The following TMEM117 variants were observed in gnomAD, a reference collection of about 807,000 sequenced individuals.
TMEM117 encodes the protein transmembrane protein 117.
In TMEM117, 27 loss-of-function variants were observed where a neutral mutation model predicts 52.4. The ratio of observed to expected loss-of-function variants is 0.51; its 90% CI spans 0.38 to 0.71. The LOEUF (loss-of-function observed/expected upper bound fraction) is 0.71, where lower values mean the gene tolerates loss of function less well. Among genes scored for constraint, TMEM117 ranks in the 30% least tolerant of loss-of-function variants. The pLI is 0.00. For missense variants in TMEM117, 556 were observed against 630.5 expected, an observed-to-expected ratio of 0.88 and a Z score of 1.26; for synonymous variants, 215 against 206.3, an observed-to-expected ratio of 1.04 and a Z score of -0.36.
chr12:44,052,981 A>T (rs141412317), intron 3 of TMEM117, among the ~76,000 whole-genome samples: 2 of 151,882 alleles, frequency 1.3e-5, no homozygotes, highest in African/African-American at 2.4e-5. Context: ...AGTCTTTCCA[A>T]CCTTAGAGGT....
At chr12:43,947,460 G>A (rs768536785) in intron 3 of TMEM117, among the ~76,000 whole-genome samples, 5 of 152,216 alleles carry the variant, frequency 3.3e-5, no homozygotes, top group Non-Finnish European at 7.3e-5. Flanking sequence ...AGGAAAATCA[G>A]TTCTTAGAGC....
At chr12:44,144,548 A>T (rs1948615281) in intron 4 of TMEM117, among the ~76,000 whole-genome samples, 1 of 152,218 alleles carries the variant, frequency 6.6e-6, no homozygotes, top group Admixed American at 6.5e-5. Flanking sequence ...AGGTAGGAAC[A>T]AAAGAGTTCC....
rs543882704 is a variant in TMEM117, at chr12:44,067,531, T to C, written c.411-75994T>C. 2.4e-3 allele frequency among the ~76,000 whole-genome samples: 366 copies of C among 152,312 alleles called. 3 individuals carry two copies. The highest frequency in any genetic ancestry group is 8.1e-3 in the African/African-American group (337 of 41,576). ...TCCTTGTACATCTCCCTCAGAGCTC[T>C]TGGGTGACCAAGATTGTCATTGTCA... is the stretch of plus-strand genomic sequence containing the variant. On this transcript the variant is annotated intron_variant, in intron 3 of 7. Transcript: ENST00000266534.
chr12:44,296,063 G>A (rs763196990), intron 5 of TMEM117, among the ~76,000 whole-genome samples: 8 of 152,140 alleles, frequency 5.3e-5, no homozygotes, highest in Non-Finnish European at 8.8e-5. Flanking sequence ...ACTGGGTCAC[G>A]AGACTTTTGC....
chr12:43,918,453 G>A lies in TMEM117; in HGVS notation c.278-25757G>A, dbSNP rs187925112. Among the ~76,000 whole-genome samples, 23 of 152,306 alleles carry A rather than the reference G, an allele frequency of 1.5e-4. No homozygotes were observed. The Middle Eastern group carries it at 0.01, about 68-fold the overall frequency. ...CAAAGTTTACAAAGGTTAACAACCA[G>A]TCTCACCTGAGAATCACCGCCTAAG... On this transcript the variant is annotated intron_variant, in intron 2 of 7. Transcript: ENST00000266534.
chr12:44,145,837 C>G (rs769484414), intron 4 of TMEM117, among the ~76,000 whole-genome samples: 1 of 152,156 alleles, frequency 6.6e-6, no homozygotes, highest in South Asian at 2.1e-4. Flanking sequence ...AAACAATGAA[C>G]CAGCAGGACC....
At chr12:44,277,987 C>A (rs1335174388) in intron 5 of TMEM117, among the ~76,000 whole-genome samples, 2 of 151,962 alleles carry the variant, frequency 1.3e-5, no homozygotes, top group African/African-American at 4.8e-5. Flanking sequence ...TGGTCTCGAA[C>A]TCCTGACCTT....
At chr12:44,252,000 T>C (rs1389295745) in intron 5 of TMEM117, among the ~76,000 whole-genome samples, 1 of 152,184 alleles carries the variant, frequency 6.6e-6, no homozygotes, top group Admixed American at 6.5e-5. Flanking sequence ...CTTCTTAGCG[T>C]AATGTTCAAG....
chr12:43,915,628 GTCT>G (rs1565749229), intron 2 of TMEM117, among the ~76,000 whole-genome samples: 1 of 152,116 alleles, frequency 6.6e-6, no homozygotes, highest in Non-Finnish European at 1.5e-5. Context: ...CTCTAGAATT[GTCT>G]AATTTAAAGG....
intron 3 of TMEM117, among the ~76,000 whole-genome samples, chr12:43,954,684 C>T (rs2137644743): frequency 6.6e-6 from 1 of 151,378 alleles, no homozygotes; most frequent in Middle Eastern, 3.4e-3. Flanking sequence ...AAGCCCAGGT[C>T]CAGAATTCTA....
chr12:44,102,270 A>T (rs1947874430), intron 3 of TMEM117, among the ~76,000 whole-genome samples: 1 of 152,016 alleles, frequency 6.6e-6, no homozygotes, highest in African/African-American at 2.4e-5. Flanking sequence ...ACATTAAGGG[A>T]ATCGGCTATC....
At chr12:44,253,852 AC>A (rs1950223883) in intron 5 of TMEM117, among the ~76,000 whole-genome samples, 2 of 151,484 alleles carry the variant, frequency 1.3e-5, no homozygotes, top group Non-Finnish European at 2.9e-5. Context: ...ACACACACAC[AC>A]ACACACACAC....
chr12:43,874,669 T>G (rs1943763240), intron 2 of TMEM117, among the ~76,000 whole-genome samples: 1 of 152,172 alleles, frequency 6.6e-6, no homozygotes, highest in Non-Finnish European at 1.5e-5. Context: ...AACCATTTTG[T>G]TAGTCTACAC....
chr12:44,245,656 C>T (rs1233079738), intron 5 of TMEM117, among the ~76,000 whole-genome samples: 1 of 151,560 alleles, frequency 6.6e-6, no homozygotes, highest in Non-Finnish European at 1.5e-5. Context: ...AATTTCACTT[C>T]TTCCTTTCCT....
chr12:43,827,298 A>G, the TMEM117 span, among the ~76,000 whole-genome samples: 7,587 of 152,084 alleles, frequency 0.05, 238 homozygotes, highest in Middle Eastern at 0.13. Context: ...CTGTCTGTTC[A>G]CTCATTAGAA....
At chr12:43,946,587 A>G (rs1441432660) in intron 3 of TMEM117, among the ~76,000 whole-genome samples, 1 of 152,180 alleles carries the variant, frequency 6.6e-6, no homozygotes, top group Non-Finnish European at 1.5e-5. Flanking sequence ...AATTATCTCA[A>G]TTAAATCTCG....
At chr12:43,986,718 T>C (rs2137736852) in intron 3 of TMEM117, among the ~76,000 whole-genome samples, 2 of 152,306 alleles carry the variant, frequency 1.3e-5, no homozygotes, top group Middle Eastern at 6.8e-3. Flanking sequence ...GAGACATAAA[T>C]TGAACCATCT....
At position 44,040,252 on chromosome 12, in the gene TMEM117, A is replaced by G. The variant is rs1422759030; in HGVS notation, c.410+95910A>G. Reference sequence around the variant, plus strand: ...ATTGCAAAATGTAATAATAATTATTAGTAATTATAAGTTTATATAATTTAA... The same window carrying G: ...ATTGCAAAATGTAATAATAATTATTGGTAATTATAAGTTTATATAATTTAA... On this transcript the variant is annotated intron_variant, in intron 3 of 7. Coordinates refer to ENST00000266534, the MANE Select transcript of TMEM117 (RefSeq NM_032256.3). 2.0e-5 allele frequency among the ~76,000 whole-genome samples: 3 copies of G among 152,102 alleles called. No individual in the cohort carries two copies. The East Asian group carries it at 5.8e-4, about 29-fold the overall frequency.
chr12:43,896,763 C>T (rs1054870490), intron 2 of TMEM117, among the ~76,000 whole-genome samples: 9 of 152,228 alleles, frequency 5.9e-5, no homozygotes, highest in African/African-American at 2.2e-4. Flanking sequence ...TAGGAATGTG[C>T]ACATAATCCA....
Sources: allele counts gnomAD v4.1 joint callset (sites outside exome capture counted in the v4.1 genomes callset), GRCh38; gene constraint gnomAD v4.1.1; transcripts MANE v1.5; gene names NCBI Gene and HGNC (gene_info 2026-07-23, HGNC 2026-07-21).